The following FSBP variants were observed in gnomAD, a reference collection of about 807,000 sequenced individuals.
FSBP encodes the protein fibrinogen silencer-binding protein.
In FSBP, 18 loss-of-function variants were observed where a neutral mutation model predicts 24.6. The observed-to-expected ratio is 0.73, with a 90% CI of 0.51 to 1.08. The LOEUF (loss-of-function observed/expected upper bound fraction) is 1.08. Among genes scored for constraint, FSBP ranks in the 50% least tolerant of loss-of-function variants. FSBP has a pLI of 0.00. For missense variants in FSBP, 305 were observed against 347.6 expected (o/e 0.88, Z 0.98); for synonymous variants, 110 against 125.8 (o/e 0.87, Z 0.84).
chr8:94,430,713 A>T lies in FSBP; in HGVS notation c.*1418T>A, dbSNP rs1812071132. ...CATGTTGTCTGTATAATGTTTTAAAAGCATTTTGTGTTATTTGCAAACATT... is the reference window on the plus strand; with the variant it reads ...CATGTTGTCTGTATAATGTTTTAAATGCATTTTGTGTTATTTGCAAACATT... On this transcript the variant is annotated 3_prime_UTR_variant, in exon 2 of 2. Transcript: ENST00000481490. The T allele has an allele frequency of 8.5e-6, 8 of 936,740 alleles. 1 individual carries two copies. The South Asian group carries it at 3.5e-4, about 40-fold the overall frequency. 58.0% of individuals were successfully genotyped at this position (936,740 alleles called of 1,614,324 possible).
At chr8:94,436,254 C>T (rs1023000660) in intron 1 of FSBP, among the ~76,000 whole-genome samples, 2 of 152,072 alleles carry the variant, frequency 1.3e-5, no homozygotes, top group Non-Finnish European at 2.9e-5. Context: ...TCCTCCCTAA[C>T]CTTTACTTTT....
At chr8:94,436,413 G>T in intron 1 of FSBP, 82 bp downstream of exon 1, 1 of 1,417,088 alleles carries the variant, frequency 7.1e-7, no homozygotes, top group Non-Finnish European at 9.3e-7. Context: ...TGCTTACTAT[G>T]CATATCTCTA....
Position 94,430,839 on chromosome 8 carries a change from A to G in FSBP, c.*1292T>C, listed in dbSNP as rs1482618343. The G allele has an allele frequency of 1.0e-6, 1 of 985,472 alleles. No individual in the cohort carries two copies. The highest frequency in any genetic ancestry group is 1.2e-6 in the Non-Finnish European group (1 of 829,934). The allele number at this position is 985,472 out of a possible 1,614,324, so 61.0% of individuals were successfully genotyped here. Reference sequence around the variant, plus strand: ...AAACAGCAGCTACCCTACCTAGTCCAGGGAGATGTCCTTCCTAGTCCAGGA... The same window carrying G: ...AAACAGCAGCTACCCTACCTAGTCCGGGGAGATGTCCTTCCTAGTCCAGGA... On this transcript the variant is annotated 3_prime_UTR_variant, in exon 2 of 2. Transcript: ENST00000481490.
chr8:94,435,967 T>C (rs1339403294), intron 1 of FSBP, among the ~76,000 whole-genome samples: 1 of 152,148 alleles, frequency 6.6e-6, no homozygotes, highest in Non-Finnish European at 1.5e-5. Context: ...TGTCTTCATA[T>C]ACACAATCAT....
rs1213100602 is a variant in FSBP, at chr8:94,429,984, A to G, written c.*2147T>C. On this transcript the variant is annotated 3_prime_UTR_variant, in exon 2 of 2. Coordinates refer to ENST00000481490, the MANE Select transcript of FSBP (RefSeq NM_001256141.2). ...TTAGCCCTCTAATTCAAAGCATTCA[A>G]TGGCTTCTCATTGTACGTTAAGTCT... The G allele has an allele frequency of 4.1e-6, 4 of 985,226 alleles. No homozygotes were observed. Among genetic ancestry groups the G allele is most frequent in the Non-Finnish European group, 4.8e-6 (4 of 829,920 alleles). 61.0% of individuals were successfully genotyped at this position (985,226 alleles called of 1,614,324 possible).
Position 94,431,791 on chromosome 8 carries a change from G to C in FSBP, c.*340C>G. ...AAAATCTCTAATTATAGCTTTCAAAGTTCTAACTAAAAATGTTGAAGACTC... is the reference window on the plus strand; with the variant it reads ...AAAATCTCTAATTATAGCTTTCAAACTTCTAACTAAAAATGTTGAAGACTC... On this transcript the variant is annotated 3_prime_UTR_variant, in exon 2 of 2. Transcript: ENST00000481490. 1.0e-6 allele frequency: 1 copy of C among 1,003,726 alleles called. No individual in the cohort carries two copies. Among genetic ancestry groups the C allele is most frequent in the Non-Finnish European group, 1.2e-6 (1 of 840,290 alleles). 62.2% of individuals were successfully genotyped at this position (1,003,726 alleles called of 1,614,324 possible).
In FSBP at chr8:94,429,021, G is replaced by A. The variant is rs1812015846; in HGVS notation, c.*3110C>T. On this transcript the variant is annotated 3_prime_UTR_variant, in exon 2 of 2. Transcript: ENST00000481490. The stretch of plus-strand genomic sequence containing the variant: ...GGTTATACAAGGGGAGGTAGACAAT[G>A]AGGAGAATTATATGCATTTAAACTT... 1 of 983,520 alleles carries A rather than the reference G, an allele frequency of 1.0e-6. No individual in the cohort carries two copies. The allele number at this position is 983,520 out of a possible 1,614,324, so 60.9% of individuals were successfully genotyped here.
rs1413260295 is a variant in FSBP, at chr8:94,429,147, A to C, written c.*2984T>G. ...AAGAGTGTGATTCTGGTGTTTAAAA[A>C]TATGTAAAAATAGGTTTCTTATTGT... On this transcript the variant is annotated 3_prime_UTR_variant, in exon 2 of 2. Transcript: ENST00000481490. 1.0e-6 allele frequency: 1 copy of C among 974,020 alleles called. No homozygotes were observed. The highest frequency in any genetic ancestry group is 1.1e-4 in the East Asian group (1 of 8,756). The allele number at this position is 974,020 out of a possible 1,614,324, so 60.3% of individuals were successfully genotyped here.
In FSBP at chr8:94,430,844, G is replaced by T; in HGVS notation, c.*1287C>A. ...GCAGCTACCCTACCTAGTCCAGGGA[G>T]ATGTCCTTCCTAGTCCAGGATACTA... On this transcript the variant is annotated 3_prime_UTR_variant, in exon 2 of 2. Coordinates refer to ENST00000481490, the MANE Select transcript of FSBP (RefSeq NM_001256141.2). 1 of 985,444 alleles carries T rather than the reference G, an allele frequency of 1.0e-6. No individual in the cohort carries two copies. The highest frequency in any genetic ancestry group is 4.7e-5 in the South Asian group (1 of 21,288). 61.0% of individuals were successfully genotyped at this position (985,444 alleles called of 1,614,324 possible). A position where few individuals can be genotyped will look rare whatever the true frequency, so the allele number is the denominator to read the frequency against.
In FSBP at chr8:94,428,120, T is replaced by C. The variant is rs999038080; in HGVS notation, c.*4011A>G. ...AACATATCCATTACATTCATATGGATAAGAGAAAGATAGGAAAGTGGCTAT... is the reference window on the plus strand; with the variant it reads ...AACATATCCATTACATTCATATGGACAAGAGAAAGATAGGAAAGTGGCTAT... On this transcript the variant is annotated 3_prime_UTR_variant, in exon 2 of 2. Transcript: ENST00000481490. The C allele has an allele frequency of 4.8e-5, 44 of 913,236 alleles. No homozygotes were observed. Among genetic ancestry groups the C allele is most frequent in the Non-Finnish European group, 5.8e-5 (44 of 764,452 alleles). 56.6% of individuals were successfully genotyped at this position (913,236 alleles called of 1,614,324 possible). A position where few individuals can be genotyped will look rare whatever the true frequency, so the allele number is the denominator to read the frequency against.
chr8:94,430,714 G>A lies in FSBP; in HGVS notation c.*1417C>T. On this transcript the variant is annotated 3_prime_UTR_variant, in exon 2 of 2. Coordinates refer to ENST00000481490, the MANE Select transcript of FSBP (RefSeq NM_001256141.2). ...ATGTTGTCTGTATAATGTTTTAAAAGCATTTTGTGTTATTTGCAAACATTT... is the reference window on the plus strand; with the variant it reads ...ATGTTGTCTGTATAATGTTTTAAAAACATTTTGTGTTATTTGCAAACATTT... The A allele has an allele frequency of 1.1e-6, 1 of 930,624 alleles. No individual in the cohort carries two copies. The highest frequency in any genetic ancestry group is 1.3e-6 in the Non-Finnish European group (1 of 780,278). The allele number at this position is 930,624 out of a possible 1,614,324, so 57.6% of individuals were successfully genotyped here.
rs941258942 is a variant in FSBP, at chr8:94,429,142, T to C, written c.*2989A>G. The C allele has an allele frequency of 1.4e-5, 14 of 972,296 alleles. No individual in the cohort carries two copies. The African/African-American group carries it at 2.3e-4, about 16-fold the overall frequency. The allele number at this position is 972,296 out of a possible 1,614,324, so 60.2% of individuals were successfully genotyped here. ...ACTCAAAGAGTGTGATTCTGGTGTT[T>C]AAAAATATGTAAAAATAGGTTTCTT... On this transcript the variant is annotated 3_prime_UTR_variant, in exon 2 of 2. Transcript: ENST00000481490.
In FSBP at chr8:94,428,302, T is replaced by C. The variant is rs1053908506; in HGVS notation, c.*3829A>G. On this transcript the variant is annotated 3_prime_UTR_variant, in exon 2 of 2. Coordinates refer to ENST00000481490, the MANE Select transcript of FSBP (RefSeq NM_001256141.2). ...CATTACATTTTGTAATTAAAGCTCATGGACCCCAAACAATTGTCTATGATA... is the reference window on the plus strand; with the variant it reads ...CATTACATTTTGTAATTAAAGCTCACGGACCCCAAACAATTGTCTATGATA... The C allele has an allele frequency of 6.8e-5, 67 of 982,664 alleles. No individual in the cohort carries two copies. Among genetic ancestry groups the C allele is most frequent in the Non-Finnish European group, 7.6e-5 (63 of 827,520 alleles). 60.9% of individuals were successfully genotyped at this position (982,664 alleles called of 1,614,324 possible). A position where few individuals can be genotyped will look rare whatever the true frequency, so the allele number is the denominator to read the frequency against.
chr8:94,434,133 C>T (rs1324399685), intron 1 of FSBP, among the ~76,000 whole-genome samples: 2 of 151,758 alleles, frequency 1.3e-5, no homozygotes, highest in East Asian at 3.8e-4. Flanking sequence ...CTATTAATAG[C>T]TCTGCTAAAA....
intron 1 of FSBP, 103 bp downstream of exon 1, chr8:94,436,392 C>T (rs1812261822): frequency 1.5e-6 from 2 of 1,337,348 alleles, no homozygotes. Flanking sequence ...TCATTGCTCC[C>T]GTTGTGGGGA....
chr8:94,431,927 A>G lies in FSBP; in HGVS notation c.*204T>C. The G allele has an allele frequency of 8.1e-7, 1 of 1,237,336 alleles. No homozygotes were observed. Among genetic ancestry groups the G allele is most frequent in the East Asian group, 3.1e-5 (1 of 32,072 alleles). 76.6% of individuals were successfully genotyped at this position (1,237,336 alleles called of 1,614,324 possible). A position where few individuals can be genotyped will look rare whatever the true frequency, so the allele number is the denominator to read the frequency against. ...TAAACTTAGGGAAAAAAAAAAGAAGACAATAAAAACTATAACCATGCCAAC... is the reference window on the plus strand; with the variant it reads ...TAAACTTAGGGAAAAAAAAAAGAAGGCAATAAAAACTATAACCATGCCAAC... On this transcript the variant is annotated 3_prime_UTR_variant, in exon 2 of 2. Coordinates refer to ENST00000481490, the MANE Select transcript of FSBP (RefSeq NM_001256141.2).
Position 94,436,659 on chromosome 8 carries a change from G to C in FSBP, c.210C>G (p.Thr70=). The change falls in exon 1 of 2, where the codon ACC becomes ACG. Residue 70 remains threonine, a synonymous_variant. Transcript: ENST00000481490. The stretch of plus-strand genomic sequence containing the variant: ...CATATTCTTTGAGCCTTTTATAAAG[G>C]GTGCGTAGGCCCTGTGCTGTTCGAG... ...RPPRTAQGLR[T]LYKRLKEYAK... The C allele has an allele frequency of 6.4e-7, 1 of 1,550,406 alleles. No homozygotes were observed. Among genetic ancestry groups the C allele is most frequent in the Admixed American group, 2.0e-5 (1 of 50,972 alleles).
In FSBP at chr8:94,431,175, A is replaced by C. The variant is rs988269387; in HGVS notation, c.*956T>G. 1.1e-4 allele frequency: 98 copies of C among 914,240 alleles called. No homozygotes were observed. Among genetic ancestry groups the C allele is most frequent in the Non-Finnish European group, 1.2e-4 (92 of 765,418 alleles). 56.6% of individuals were successfully genotyped at this position (914,240 alleles called of 1,614,324 possible). On this transcript the variant is annotated 3_prime_UTR_variant, in exon 2 of 2. Transcript: ENST00000481490. The stretch of plus-strand genomic sequence containing the variant: ...GAATTGAGGTTTTATTTCCATGAAT[A>C]CTAAAATAACAATACTTATAAAATA...
rs956293361 is a variant in FSBP at position 94,432,518 on chromosome 8, T to A, written c.513A>T (p.Gln171His). Reference protein sequence around the residue: ...KPPPPLVLNSQQSDTLEQREE... With the variant: ...KPPPPLVLNSHQSDTLEQREE... ...CTCTTTGCTCTAAAGTATCACTCTG[T>A]TGAGAATTTAAAACCAGTGGAGGAG... is the stretch of plus-strand genomic sequence containing the variant. Residue 171 changes from glutamine (Q) to histidine (H), a missense_variant, in exon 2 of 2, where the codon CAA becomes CAT. Physicochemically the swap from Gln to His is conservative, Grantham distance 24. Transcript: ENST00000481490. The A allele has an allele frequency of 1.3e-6, 2 of 1,550,696 alleles. No homozygotes were observed. Among genetic ancestry groups the A allele is most frequent in the Non-Finnish European group, 1.7e-6 (2 of 1,146,912 alleles).
Sources: gnomAD v4.1 joint callset for allele counts (sites outside exome capture counted in the v4.1 genomes callset) on GRCh38, gnomAD v4.1.1 for gene constraint, MANE v1.5 for transcripts, NCBI Gene and HGNC (gene_info 2026-07-23, HGNC 2026-07-21) for gene names.